FBXL13: variants seen among roughly 807,000 people sequenced by gnomAD.
The protein encoded by FBXL13 is F-box and leucine-rich repeat protein 13.
In FBXL13, 67 loss-of-function variants were observed where a neutral mutation model predicts 83.6. The observed-to-expected ratio is 0.80, with a 90% CI of 0.66 to 0.98. The LOEUF is 0.98. FBXL13 is among the 50% of genes least tolerant of loss of function. The pLI, the probability that FBXL13 is intolerant of heterozygous loss-of-function variation, is 0.00. For synonymous variants in FBXL13, 272 were observed against 299.5 expected (o/e 0.91, Z 0.95); for missense variants, 822 against 866.5 (o/e 0.95, Z 0.64).
At chr7:102,919,517 C>T (rs771506760) in intron 10 of FBXL13, among the ~76,000 whole-genome samples, 8 of 152,004 alleles carry the variant, frequency 5.3e-5, no homozygotes, top group Non-Finnish European at 7.4e-5. Flanking sequence ...TGAAGGAACA[C>T]AATTAAGCTT....
intron 6 of FBXL13, among the ~76,000 whole-genome samples, chr7:102,999,325 T>A (rs1283525324): frequency 6.6e-6 from 1 of 152,194 alleles, no homozygotes; most frequent in Non-Finnish European, 1.5e-5. Flanking sequence ...TGTTTGCTAG[T>A]ATTTTATCGA....
intron 9 of FBXL13, among the ~76,000 whole-genome samples, chr7:102,927,335 G>C (rs1355160736): frequency 6.6e-6 from 1 of 152,146 alleles, no homozygotes; most frequent in African/African-American, 2.4e-5. Context: ...ACCACTGCAG[G>C]TATCTATCTG....
chr7:102,960,828 C>T (rs1470326809), intron 8 of FBXL13, among the ~76,000 whole-genome samples: 3 of 151,162 alleles, frequency 2.0e-5, no homozygotes, highest in Admixed American at 6.6e-5. Context: ...ATTGATGGGA[C>T]GTATTTCAAA....
chr7:102,827,266 C>A, intron 18 of FBXL13: 1 of 386,216 alleles, frequency 2.6e-6, no homozygotes. Flanking sequence ...TCCCCTAGGC[C>A]AACCAGCTCT....
chr7:102,909,622 G>A (rs950740625), intron 11 of FBXL13, among the ~76,000 whole-genome samples: 28 of 152,156 alleles, frequency 1.8e-4, no homozygotes, highest in African/African-American at 6.8e-4. Context: ...TGCCAGGACT[G>A]GGTCCCTTCC....
At chr7:102,976,233 A>G (rs1294740668) in intron 6 of FBXL13, 2 of 736,374 alleles carry the variant, frequency 2.7e-6, no homozygotes, top group Non-Finnish European at 5.0e-6. Context: ...GGTGGCAGGT[A>G]GGCCAGTATG....
chr7:103,012,063 A>G (rs1372357673), intron 6 of FBXL13, among the ~76,000 whole-genome samples: 6 of 152,144 alleles, frequency 3.9e-5, no homozygotes, highest in Non-Finnish European at 1.5e-5. Flanking sequence ...CAGATTCTCC[A>G]AGGTCAAAAT....
intron 8 of FBXL13, among the ~76,000 whole-genome samples, chr7:102,940,768 A>T (rs1199430644): frequency 2.0e-5 from 3 of 152,218 alleles, no homozygotes; most frequent in Admixed American, 6.5e-5. Context: ...TTAAGTAAAC[A>T]CATCGGATTT....
intron 2 of FBXL13, among the ~76,000 whole-genome samples, chr7:103,052,338 C>T (rs1255160739): frequency 6.6e-6 from 1 of 152,124 alleles, no homozygotes; most frequent in Non-Finnish European, 1.5e-5. Context: ...ATTCTCCTAC[C>T]TCAGCCTCCT....
intron 19 of FBXL13, among the ~76,000 whole-genome samples, chr7:102,817,768 T>C (rs79697668): frequency 2.0e-5 from 3 of 152,192 alleles, no homozygotes; most frequent in African/African-American, 7.2e-5. Flanking sequence ...GGAACCACTG[T>C]GTGTTCTAAA....
intron 18 of FBXL13, among the ~76,000 whole-genome samples, chr7:102,831,903 T>C (rs1014211058): frequency 6.6e-6 from 1 of 152,224 alleles, no homozygotes; most frequent in Non-Finnish European, 1.5e-5. Flanking sequence ...AGTCTACTAT[T>C]ATTAATCCAG....
chr7:102,936,468 AAG>A (rs1179399574), intron 8 of FBXL13: 2 of 152,248 alleles, frequency 1.3e-5, no homozygotes, highest in Non-Finnish European at 2.9e-5. Context: ...GAGAATTTCA[AAG>A]AGTAAGTAAA....
chr7:102,952,236 A>T (rs1345602973), intron 8 of FBXL13, among the ~76,000 whole-genome samples: 4 of 152,238 alleles, frequency 2.6e-5, no homozygotes, highest in Non-Finnish European at 5.9e-5. Context: ...ACAAACTATC[A>T]GTTTTGTGAG....
chr7:102,815,941 A>C (rs1209096015), intron 19 of FBXL13, among the ~76,000 whole-genome samples: 3 of 152,210 alleles, frequency 2.0e-5, no homozygotes, highest in Non-Finnish European at 4.4e-5. Flanking sequence ...TCCTTAATAT[A>C]AGATAAGGAA....
chr7:103,043,098 T>G (rs2129493106), intron 2 of FBXL13, among the ~76,000 whole-genome samples: 1 of 152,260 alleles, frequency 6.6e-6, no homozygotes, highest in South Asian at 2.1e-4. Context: ...ATCCAGAATC[T>G]ACAAAGAACT....
At chr7:102,969,298 G>C (rs1372252039) in intron 6 of FBXL13, among the ~76,000 whole-genome samples, 1 of 152,092 alleles carries the variant, frequency 6.6e-6, no homozygotes, top group African/African-American at 2.4e-5. Context: ...ACAGTAACAT[G>C]CTGTACAGGC....
chr7:103,040,317 T>A (rs1354379342), intron 2 of FBXL13, among the ~76,000 whole-genome samples: 2 of 152,004 alleles, frequency 1.3e-5, no homozygotes, highest in Non-Finnish European at 2.9e-5. Flanking sequence ...GCACCCAGAT[T>A]CATAAAGCAA....
At chr7:102,912,682 C>T (rs867702524) in intron 11 of FBXL13, among the ~76,000 whole-genome samples, 1 of 132,722 alleles carries the variant, frequency 7.5e-6, no homozygotes. Context: ...CCCCCCCCCC[C>T]CCAAAAAAAA....
At chr7:102,963,608 G>T in exon 8 of FBXL13, 1 of 1,612,602 alleles carries the variant, frequency 6.2e-7, no homozygotes, top group Non-Finnish European at 8.5e-7. Flanking sequence ...CGCCACCTTT[G>T]CAAAGTAGAC....
Sources: allele counts gnomAD v4.1 joint callset (sites outside exome capture counted in the v4.1 genomes callset), GRCh38; gene constraint gnomAD v4.1.1; transcripts MANE v1.5; gene names NCBI Gene and HGNC (gene_info 2026-07-23, HGNC 2026-07-21).